TNFAIP6: variants seen among roughly 807,000 people sequenced by gnomAD.
TNFAIP6 encodes the protein tumor necrosis factor-inducible gene 6 protein.
In TNFAIP6, 36 loss-of-function variants were observed where a neutral mutation model predicts 33.7. That is an observed-to-expected ratio of 1.07 (90% CI 0.82 to 1.41). The LOEUF (loss-of-function observed/expected upper bound fraction) is 1.41, where lower values mean the gene tolerates loss of function less well. Ranked by LOEUF, TNFAIP6 falls within the 40% of genes most tolerant of loss-of-function variation. The probability of loss-of-function intolerance (pLI) is 0.00; values close to 1 mark genes in which losing one functional copy is unlikely to be tolerated. For missense variants in TNFAIP6, 273 were observed against 331.9 expected (o/e 0.82, Z 1.38); for synonymous variants, 113 against 112.8 (o/e 1.00, Z -0.01).
intron 4 of TNFAIP6, chr2:151,372,250 T>C (rs1490625593): frequency 6.6e-6 from 1 of 152,204 alleles, no homozygotes; most frequent in African/African-American, 2.4e-5. Context: ...ATAAACATTG[T>C]ATTTCAGCCT....
chr2:151,377,514 G>T (rs938615908), intron 5 of TNFAIP6, among the ~76,000 whole-genome samples: 1 of 151,902 alleles, frequency 6.6e-6, no homozygotes, highest in East Asian at 1.9e-4. Flanking sequence ...TTTTAATAAG[G>T]CCTGTCGACT....
At position 151,379,298 on chromosome 2, in the gene TNFAIP6, T is replaced by A. The variant is rs777008221; in HGVS notation, c.665-66T>A. 5.7e-5 allele frequency: 81 copies of A among 1,429,350 alleles called. 1 individual carries two copies. The highest frequency in any genetic ancestry group is 7.0e-5 in the Non-Finnish European group (74 of 1,062,776). The allele number at this position is 1,429,350 out of a possible 1,614,324, so 88.5% of individuals were successfully genotyped here. ...TATTCTCCTATGAGAATGAAGAGTC[T>A]TTGAATTGTCAGCCAAATCAAAGGA... On this transcript the variant is annotated intron_variant, in intron 5 of 5. Coordinates refer to ENST00000243347, the MANE Select transcript of TNFAIP6 (RefSeq NM_007115.4).
At chr2:151,358,111 T>C (rs1338712357) in intron 1 of TNFAIP6, among the ~76,000 whole-genome samples, 1 of 152,216 alleles carries the variant, frequency 6.6e-6, no homozygotes, top group Non-Finnish European at 1.5e-5. Flanking sequence ...TCTGTTTTTA[T>C]GTCAATGCAT....
intron 3 of TNFAIP6, among the ~76,000 whole-genome samples, chr2:151,369,303 T>A (rs1250169709): frequency 6.6e-6 from 1 of 152,214 alleles, no homozygotes; most frequent in East Asian, 1.9e-4. Context: ...TACAATTCTT[T>A]TAATTTTAAA....
intron 3 of TNFAIP6, among the ~76,000 whole-genome samples, chr2:151,369,536 G>C (rs1458505678): frequency 6.6e-6 from 1 of 151,902 alleles, no homozygotes; most frequent in Non-Finnish European, 1.5e-5. Flanking sequence ...CACTTTCAGA[G>C]GCAGAGGCAG....
chr2:151,362,551 C>T (rs1427322148), intron 1 of TNFAIP6, among the ~76,000 whole-genome samples: 5 of 119,480 alleles, frequency 4.2e-5, no homozygotes, highest in Admixed American at 1.1e-4. Flanking sequence ...AGTGCAGTGG[C>T]GCAATCTCGG....
At chr2:151,369,999 T>G in intron 3 of TNFAIP6, 21 bp from the exon 4 acceptor site, 1 of 1,564,542 alleles carries the variant, frequency 6.4e-7, no homozygotes, top group Non-Finnish European at 8.7e-7. Flanking sequence ...GGTTTTTACG[T>G]TTTTTTTCTT....
intron 4 of TNFAIP6, 53 bp downstream of exon 4, chr2:151,370,301 G>A: frequency 2.2e-6 from 3 of 1,343,084 alleles, no homozygotes; most frequent in Non-Finnish European, 3.2e-6. Flanking sequence ...TATTTTGTTT[G>A]ATGCTTCTTT....
chr2:151,371,663 C>T (rs545185314), intron 4 of TNFAIP6, among the ~76,000 whole-genome samples: 7 of 151,354 alleles, frequency 4.6e-5, no homozygotes, highest in African/African-American at 7.3e-5. Flanking sequence ...GGCACAATCT[C>T]GGCTCACTGC....
At chr2:151,375,748 T>C (rs2152018575) in intron 5 of TNFAIP6, among the ~76,000 whole-genome samples, 1 of 152,182 alleles carries the variant, frequency 6.6e-6, no homozygotes, top group Middle Eastern at 3.4e-3. Flanking sequence ...ACTATTAACA[T>C]TTTGATCTGG....
chr2:151,359,516 G>C (rs1684589325), intron 1 of TNFAIP6, among the ~76,000 whole-genome samples: 1 of 151,164 alleles, frequency 6.6e-6, no homozygotes, highest in Non-Finnish European at 1.5e-5. Flanking sequence ...AGCCTCCCAA[G>C]TAGCTGGGAC....
At position 151,361,498 on chromosome 2, in the gene TNFAIP6, C is replaced by T. The variant is rs539491657; in HGVS notation, c.95-2445C>T. On this transcript the variant is annotated intron_variant, in intron 1 of 5. Coordinates refer to ENST00000243347, the MANE Select transcript of TNFAIP6 (RefSeq NM_007115.4). ...TTTTTACAAAATTTGTTTTCAAATA[C>T]AGGTCTTTTAATCTGTATTCTTAGG... Among the ~76,000 whole-genome samples, 4 of 152,180 alleles carry T rather than the reference C, an allele frequency of 2.6e-5. No individual in the cohort carries two copies. The South Asian group carries it at 8.3e-4, about 32-fold the overall frequency.
intron 5 of TNFAIP6, among the ~76,000 whole-genome samples, chr2:151,376,173 G>A (rs1234081971): frequency 6.6e-6 from 1 of 152,144 alleles, no homozygotes; most frequent in Non-Finnish European, 1.5e-5. Flanking sequence ...TTGAACCTGA[G>A]AGGCAGAGGT....
At chr2:151,373,485 G>A in intron 4 of TNFAIP6, 64 bp from the exon 5 acceptor site, 1 of 915,710 alleles carries the variant, frequency 1.1e-6, no homozygotes, top group Non-Finnish European at 1.6e-6. Flanking sequence ...ATCAGTAACA[G>A]CCACTTTACT....
chr2:151,359,009 A>G (rs1484550743), intron 1 of TNFAIP6, among the ~76,000 whole-genome samples: 7 of 152,224 alleles, frequency 4.6e-5, no homozygotes, highest in African/African-American at 7.2e-5. Context: ...TCTAATAATC[A>G]AGTAATTTAG....
chr2:151,377,173 C>CTT (rs199844615), intron 5 of TNFAIP6, among the ~76,000 whole-genome samples: 14 of 145,286 alleles, frequency 9.6e-5, no homozygotes, highest in African/African-American at 2.8e-4. Flanking sequence ...CTTTTCTTTT[C>CTT]TTTTCTTTTT....
intron 1 of TNFAIP6, among the ~76,000 whole-genome samples, chr2:151,358,939 T>C (rs978234522): frequency 1.3e-5 from 2 of 152,206 alleles, no homozygotes; most frequent in Non-Finnish European, 2.9e-5. Flanking sequence ...TTTTTTTAAA[T>C]GTCATAAAGC....
intron 1 of TNFAIP6, among the ~76,000 whole-genome samples, chr2:151,360,443 A>T (rs1463442721): frequency 6.6e-6 from 1 of 152,248 alleles, no homozygotes; most frequent in East Asian, 1.9e-4. Context: ...AGTGGAACCA[A>T]AGTCCATTTC....
rs552885550 is a variant in TNFAIP6 at position 151,365,116 on chromosome 2, G to A, written c.233-940G>A. On this transcript the variant is annotated intron_variant, in intron 2 of 5. Coordinates refer to ENST00000243347, the MANE Select transcript of TNFAIP6 (RefSeq NM_007115.4). ...TTCACACCTGTAATCCCAGCACTTT[G>A]GACTGCTTGAGCTCAGGAGTTCAAG... Among the ~76,000 whole-genome samples the A allele has an allele frequency of 2.0e-5, 3 of 152,274 alleles. No individual in the cohort carries two copies. The South Asian group carries it at 6.2e-4, about 32-fold the overall frequency.
Sources: gnomAD v4.1 joint callset for allele counts (sites outside exome capture counted in the v4.1 genomes callset) on GRCh38, gnomAD v4.1.1 for gene constraint, MANE v1.5 for transcripts, NCBI Gene and HGNC (gene_info 2026-07-23, HGNC 2026-07-21) for gene names.